The following PMFBP1 variants were observed in gnomAD, a reference collection of about 807,000 sequenced individuals.
PMFBP1 encodes polyamine modulated factor 1 binding protein 1.
In PMFBP1, 131 loss-of-function variants were observed where a neutral mutation model predicts 137.8. The ratio of observed to expected loss-of-function variants is 0.95; its 90% CI spans 0.82 to 1.10. The LOEUF is 1.10. Ranked by LOEUF, PMFBP1 falls within the 50% of genes least tolerant of loss-of-function variation. PMFBP1 has a pLI of 0.00. For synonymous variants in PMFBP1, 490 were observed against 450.4 expected (o/e 1.09, Z -1.11); for missense variants, 1,199 against 1,175.4 (o/e 1.02, Z -0.29).
At position 72,124,787 on chromosome 16, in the gene PMFBP1, G is replaced by A. The variant is rs763918270; in HGVS notation, c.2569C>T (p.Leu857Phe). The change falls in exon 17 of 21, where the codon CTC (leucine) becomes TTC (phenylalanine). Residue 857 changes from leucine to phenylalanine, a missense_variant. Transcript: ENST00000237353. ...CCCACCTCCTTATCGTCCTCAAGGA[G>A]GTTCTCTTTTAAGGCGGCCATCTCC... The part of the protein sequence containing the change: ...QEEMAALKEN[L>F]LEDDKEPCCL... 3.7e-6 allele frequency: 6 copies of A among 1,614,070 alleles called. No individual in the cohort carries two copies. The highest frequency in any genetic ancestry group is 5.1e-6 in the Non-Finnish European group (6 of 1,179,952).
the PMFBP1 span, among the ~76,000 whole-genome samples, chr16:72,195,056 T>C: frequency 6.6e-6 from 1 of 152,334 alleles, no homozygotes; most frequent in South Asian, 2.1e-4. Context: ...GCAGCAGCCA[T>C]GGAGGCTTGC....
At chr16:72,146,721 A>T (rs1172267171) in intron 5 of PMFBP1, among the ~76,000 whole-genome samples, 2 of 152,226 alleles carry the variant, frequency 1.3e-5, no homozygotes, top group African/African-American at 4.8e-5. Flanking sequence ...GCATTCCTAT[A>T]CATCATTAAC....
At chr16:72,151,878 C>G (rs910415455) in intron 4 of PMFBP1, among the ~76,000 whole-genome samples, 2 of 152,092 alleles carry the variant, frequency 1.3e-5, no homozygotes, top group Admixed American at 6.5e-5. Flanking sequence ...TACCAGGAGC[C>G]CATTCAACCA....
the PMFBP1 span, among the ~76,000 whole-genome samples, chr16:72,186,549 G>A: frequency 1.3e-5 from 2 of 152,074 alleles, no homozygotes; most frequent in African/African-American, 4.8e-5. Flanking sequence ...AGCCATGAAG[G>A]TTTTCGAGCT....
At chr16:72,178,846 T>C (rs192892861), upstream of PMFBP1, among the ~76,000 whole-genome samples, 19 of 152,284 alleles carry the variant, frequency 1.2e-4, no homozygotes, top group South Asian at 8.3e-4. Context: ...AGTTTCCCCA[T>C]TTGGAAACAA....
At chr16:72,126,400 C>G (rs2042459585) in intron 14 of PMFBP1, among the ~76,000 whole-genome samples, 1 of 152,184 alleles carries the variant, frequency 6.6e-6, no homozygotes, top group African/African-American at 2.4e-5. Context: ...CATGATATGC[C>G]AAGTACACAA....
chr16:72,202,747 C>T, the PMFBP1 span, among the ~76,000 whole-genome samples: 1 of 152,234 alleles, frequency 6.6e-6, no homozygotes, highest in African/African-American at 2.4e-5. Context: ...TGCATGTCAC[C>T]TGCTCCTCGG....
chr16:72,244,787 G>A, the PMFBP1 span, among the ~76,000 whole-genome samples: 1 of 151,480 alleles, frequency 6.6e-6, no homozygotes, highest in African/African-American at 2.4e-5. Context: ...TTCTTCCAGT[G>A]CAACAAATCC....
At chr16:72,177,100 C>T (rs867360070), upstream of PMFBP1, among the ~76,000 whole-genome samples, 3 of 152,222 alleles carry the variant, frequency 2.0e-5, no homozygotes, top group African/African-American at 2.4e-5. Context: ...GAAAATTTCC[C>T]ATTTTGAAGT....
chr16:72,216,789 G>C, the PMFBP1 span, among the ~76,000 whole-genome samples: 1 of 152,218 alleles, frequency 6.6e-6, no homozygotes, highest in Non-Finnish European at 1.5e-5. Context: ...TCCAGCATTT[G>C]TTAAGAGTGG....
chr16:72,162,170 A>G (rs2043071623), intron 3 of PMFBP1, among the ~76,000 whole-genome samples: 3 of 152,176 alleles, frequency 2.0e-5, no homozygotes, highest in Admixed American at 2.0e-4. Context: ...GGGCAGGGCC[A>G]GGACTACAGT....
At chr16:72,213,449 C>T in the PMFBP1 span, among the ~76,000 whole-genome samples, 1 of 152,190 alleles carries the variant, frequency 6.6e-6, no homozygotes, top group African/African-American at 2.4e-5. Flanking sequence ...GTGAGCTGCC[C>T]TGTGGAGAGG....
the PMFBP1 span, among the ~76,000 whole-genome samples, chr16:72,206,416 C>T: frequency 6.6e-6 from 1 of 152,208 alleles, no homozygotes; most frequent in Non-Finnish European, 1.5e-5. Context: ...ATGACATCAG[C>T]ATTCCAGGAG....
In PMFBP1 at chr16:72,122,988, C is replaced by A. The variant is rs2042398519; in HGVS notation, c.2694G>T (p.Lys898Asn). 2 of 1,612,428 alleles carry A rather than the reference C, an allele frequency of 1.2e-6. No individual in the cohort carries two copies. The highest frequency in any genetic ancestry group is 8.5e-7 in the Non-Finnish European group (1 of 1,179,734). Residue 898 changes from lysine (K) to asparagine (N), a missense_variant and splice_region_variant, in exon 19 of 21, where the codon AAG becomes AAT. Lys to Asn is a moderately conservative substitution (Grantham distance 94). Transcript: ENST00000237353. ...GGTTTCCTAGTTTCTCATTGGCGAC[C>A]CTGTAATAAAATCACAGGAGAAAAC... ...TNLEQWAKQQ[K>N]VANEKLGNQL...
intron 2 of PMFBP1, among the ~76,000 whole-genome samples, chr16:72,169,103 C>T (rs985706686): frequency 2.0e-5 from 3 of 152,162 alleles, no homozygotes; most frequent in Middle Eastern, 6.8e-3. Flanking sequence ...ACATGAAAAT[C>T]GGAGTAATTT....
chr16:72,163,919 T>G, intron 3 of PMFBP1, among the ~76,000 whole-genome samples: 3 of 139,132 alleles, frequency 2.2e-5, no homozygotes, highest in African/African-American at 2.6e-5. Context: ...GGGGACTCTG[T>G]GGAAAGGGTG....
intron 2 of PMFBP1, among the ~76,000 whole-genome samples, chr16:72,168,459 G>A (rs1302778275): frequency 1.3e-5 from 2 of 152,190 alleles, no homozygotes; most frequent in South Asian, 4.1e-4. Flanking sequence ...TCTACTTTAT[G>A]AAGGCTAAAT....
At chr16:72,222,145 T>C in the PMFBP1 span, among the ~76,000 whole-genome samples, 1 of 152,062 alleles carries the variant, frequency 6.6e-6, no homozygotes, top group African/African-American at 2.4e-5. Flanking sequence ...GTTTGGTTGG[T>C]TGGGTTTTTT....
At chr16:72,202,962 A>C in the PMFBP1 span, among the ~76,000 whole-genome samples, 1 of 152,114 alleles carries the variant, frequency 6.6e-6, no homozygotes, top group East Asian at 1.9e-4. Context: ...AGCTCAACCT[A>C]GTGTCTGTTT....
Sources: allele counts gnomAD v4.1 joint callset (sites outside exome capture counted in the v4.1 genomes callset), GRCh38; gene constraint gnomAD v4.1.1; transcripts MANE v1.5; gene names NCBI Gene and HGNC (gene_info 2026-07-23, HGNC 2026-07-21).